PDGFRA: variants seen among roughly 807,000 people sequenced by gnomAD.
PDGFRA encodes the protein platelet derived growth factor receptor alpha.
PDGFRA carries 25 observed loss-of-function variants against 121.5 expected under a neutral mutation model. The observed-to-expected ratio is 0.21, with a 90% CI of 0.15 to 0.29. PDGFRA has a LOEUF of 0.29. Among genes scored for constraint, PDGFRA ranks in the 10% least tolerant of loss-of-function variants. The pLI is 1.00. For missense variants in PDGFRA, 1,008 were observed against 1,345.1 expected (o/e 0.75, Z 3.92); for synonymous variants, 463 against 494.8 (o/e 0.94, Z 0.85).
At chr4:54,277,755 C>T in intron 13 of PDGFRA, 141 bp from the exon 14 acceptor site, 1 of 717,972 alleles carries the variant, frequency 1.4e-6, no homozygotes, top group East Asian at 2.7e-5. Context: ...AGCACTGAGG[C>T]CAAGTAGCTA....
chr4:54,280,173 T>C (rs1423996818), intron 15 of PDGFRA, 143 bp from the exon 16 acceptor site: 12 of 655,988 alleles, frequency 1.8e-5, no homozygotes, highest in Non-Finnish European at 3.3e-5. Flanking sequence ...TCACCTCATG[T>C]GAAAGGTATG....
intron 14 of PDGFRA, 35 bp from the exon 15 acceptor site, chr4:54,278,327 T>G: frequency 6.3e-7 from 1 of 1,586,564 alleles, no homozygotes; most frequent in Non-Finnish European, 8.7e-7. Flanking sequence ...TTCTTCATTT[T>G]CATACCCATC....
At chr4:54,238,104 CCTT>C (rs1721110045) in intron 1 of PDGFRA, among the ~76,000 whole-genome samples, 1 of 152,354 alleles carries the variant, frequency 6.6e-6, no homozygotes, top group South Asian at 2.1e-4. Flanking sequence ...AATGGTTTCT[CCTT>C]CTCTTACTTT....
chr4:54,234,201 C>A (rs1720877475), intron 1 of PDGFRA, among the ~76,000 whole-genome samples: 1 of 151,996 alleles, frequency 6.6e-6, no homozygotes, highest in Admixed American at 6.5e-5. Flanking sequence ...GGGGAGATGT[C>A]CCCGAATTCT....
chr4:54,287,840 C>A (rs1301054270), intron 19 of PDGFRA, among the ~76,000 whole-genome samples: 1 of 152,166 alleles, frequency 6.6e-6, no homozygotes, highest in Non-Finnish European at 1.5e-5. Flanking sequence ...CATTCGCATC[C>A]CAGCTGCTTT....
Position 54,261,142 on chromosome 4 carries a change from A to T in PDGFRA, c.97A>T (p.Asn33Tyr), listed in dbSNP as rs200979664. The T allele has an allele frequency of 3.2e-5, 52 of 1,614,108 alleles. No individual in the cohort carries two copies. The highest frequency in any genetic ancestry group is 2.3e-4 in the Admixed American group (14 of 60,012). ...CQLSLPSILP[N>Y]ENEKVVQLNS... ...GCTTTCATTACCCTCTATCCTTCCA[A>T]ATGAAAATGAAAAGGTTGTGCAGCT... The change falls in exon 3 of 23, where the codon AAT becomes TAT. Residue 33 changes from asparagine (N) to tyrosine (Y), a missense_variant. This residue lies in a region of PDGFRA where 575 missense variants were observed against 701.8 expected (regional missense o/e 0.82). Transcript: ENST00000257290.
intron 1 of PDGFRA, among the ~76,000 whole-genome samples, chr4:54,257,132 C>G (rs1211685796): frequency 6.6e-6 from 1 of 152,234 alleles, no homozygotes; most frequent in Non-Finnish European, 1.5e-5. Context: ...GTCATCCTCA[C>G]TACCCATTAT....
chr4:54,273,848 A>G, intron 10 of PDGFRA, 118 bp downstream of exon 10: 3 of 828,080 alleles, frequency 3.6e-6, no homozygotes, highest in Non-Finnish European at 6.0e-6. Context: ...AAATTCAGTT[A>G]TGAATGCTCT....
intron 1 of PDGFRA, among the ~76,000 whole-genome samples, chr4:54,251,085 A>T (rs894333736): frequency 1.3e-5 from 2 of 151,774 alleles, no homozygotes; most frequent in Non-Finnish European, 2.9e-5. Context: ...AAAAAAAAAA[A>T]ATTGAAAAAG....
chr4:54,273,534 T>C lies in PDGFRA; in HGVS notation c.1365-3T>C. ...CCTATACTTAGGCCCTTTTTCTCTC[T>C]AGATGTAATAATGAAACTTCCTGGA... On this transcript the variant is annotated splice_region_variant and splice_polypyrimidine_tract_variant and intron_variant, in intron 9 of 22. Transcript: ENST00000257290. The C allele has an allele frequency of 6.2e-7, 1 of 1,613,464 alleles. No individual in the cohort carries two copies. The highest frequency in any genetic ancestry group is 8.5e-7 in the Non-Finnish European group (1 of 1,179,454).
rs1313718020 is a variant in PDGFRA at position 54,231,014 on chromosome 4, C to T, written c.-13+1599C>T. ...GAGGGAGCCAGGAGCCTGGGCCGGG[C>T]CAGGTGTGCGAGAGCTGCCGATGGC... On this transcript the variant is annotated intron_variant, in intron 1 of 22. Coordinates refer to ENST00000257290, the MANE Select transcript of PDGFRA (RefSeq NM_006206.6). Among the ~76,000 whole-genome samples, 4 of 152,330 alleles carry T rather than the reference C, an allele frequency of 2.6e-5. No individual in the cohort carries two copies. In the East Asian group the frequency reaches 7.7e-4, roughly 29 times the overall value.
At chr4:54,241,192 G>A (rs1721276254) in intron 1 of PDGFRA, among the ~76,000 whole-genome samples, 4 of 151,990 alleles carry the variant, frequency 2.6e-5, no homozygotes. Context: ...TTTATATGTG[G>A]GGTTTAAAAT....
rs556440273 is a variant in PDGFRA at position 54,277,871 on chromosome 4, G to A, written c.1892-25G>A. On this transcript the variant is annotated intron_variant, in intron 13 of 22. Coordinates refer to ENST00000257290, the MANE Select transcript of PDGFRA (RefSeq NM_006206.6). ...AGGAAGTTGGTAGCTCAGCTGGACT[G>A]ATATGTGATTTATTCTTTCAACAGC... 1.6e-4 allele frequency: 239 copies of A among 1,473,334 alleles called. 2 individuals carry two copies. In the South Asian group the frequency reaches 2.6e-3, roughly 16 times the overall value. 91.3% of individuals were successfully genotyped at this position (1,473,334 alleles called of 1,614,324 possible).
rs1577722738 is a variant in PDGFRA at position 54,272,514 on chromosome 4, T to C, written c.1358T>C (p.Ile453Thr). The C allele has an allele frequency of 1.2e-6, 2 of 1,613,938 alleles. No homozygotes were observed. The highest frequency in any genetic ancestry group is 1.7e-5 in the Admixed American group (1 of 60,026). The change falls in exon 9 of 23, where the codon ATT becomes ACT. Residue 453 changes from isoleucine to threonine, a missense_variant. Ile to Thr is a moderately conservative substitution (Grantham distance 89). Transcript: ENST00000257290. The part of the protein sequence containing the change: ...PDIEWMICKD[I>T]KKCNNETSWT... ...ATTGAGTGGATGATATGCAAAGATATTAAGAAGTATGGAAAACAGATGTGT... is the reference window on the plus strand; with the variant it reads ...ATTGAGTGGATGATATGCAAAGATACTAAGAAGTATGGAAAACAGATGTGT...
intron 7 of PDGFRA, among the ~76,000 whole-genome samples, chr4:54,267,992 G>A (rs1429673846): frequency 1.3e-5 from 2 of 152,192 alleles, no homozygotes; most frequent in South Asian, 2.1e-4. Flanking sequence ...ACAGGTCACT[G>A]GATTCAGCTA....
chr4:54,230,956 C>A (rs1012168834), intron 1 of PDGFRA, among the ~76,000 whole-genome samples: 6 of 152,198 alleles, frequency 3.9e-5, no homozygotes, highest in African/African-American at 1.4e-4. Context: ...CAGGTCGGAG[C>A]GACGAGTGTG....
intron 5 of PDGFRA, among the ~76,000 whole-genome samples, chr4:54,267,010 C>T (rs1210655078): frequency 6.6e-6 from 1 of 152,066 alleles, no homozygotes; most frequent in Non-Finnish European, 1.5e-5. Flanking sequence ...AATAAAAAAT[C>T]TCATGATTTT....
intron 1 of PDGFRA, chr4:54,240,229 T>G (rs1721227859): frequency 5.6e-6 from 1 of 178,274 alleles, no homozygotes; most frequent in African/African-American, 2.4e-5. Context: ...GTTTGTAGTC[T>G]TTGCCTTGGC....
Position 54,273,612 on chromosome 4 carries a change from C to T in PDGFRA, c.1440C>T (p.Asp480=), listed in dbSNP as rs144723510. 1.9e-6 allele frequency: 3 copies of T among 1,614,120 alleles called. No homozygotes were observed. Among genetic ancestry groups the T allele is most frequent in the Non-Finnish European group, 1.7e-6 (2 of 1,179,986 alleles). The change falls in exon 10 of 23, where the codon GAC becomes GAT. Residue 480 remains aspartate, a synonymous_variant. Transcript: ENST00000257290. ...TCATCACGGAGATCCACTCCCGAGA[C>T]AGGAGTACCGTGGAGGGCCGTGTGA... ...SNIITEIHSR[D]RSTVEGRVTF... is the part of the protein sequence containing the mutation.
Sources: allele counts gnomAD v4.1 joint callset (sites outside exome capture counted in the v4.1 genomes callset), GRCh38; gene constraint gnomAD v4.1.1; regional missense constraint gnomAD v4.1.1; transcripts MANE v1.5; gene names NCBI Gene and HGNC (gene_info 2026-07-23, HGNC 2026-07-21).